Variants in ZNF410 observed in about 807,000 individuals in gnomAD.
The protein encoded by ZNF410 is another partner for ARF 1.
ZNF410 carries 18 observed loss-of-function variants against 54.8 expected under a neutral mutation model. That is an observed-to-expected ratio of 0.33 (90% CI 0.23 to 0.49). The LOEUF is 0.49. Ranked by LOEUF, ZNF410 falls within the 20% of genes least tolerant of loss-of-function variation. The probability of loss-of-function intolerance (pLI) is 0.99; values close to 1 mark genes in which losing one functional copy is unlikely to be tolerated. For synonymous variants in ZNF410, 191 were observed against 207.3 expected (o/e 0.92, Z 0.68); for missense variants, 405 against 569.6 (o/e 0.71, Z 2.94).
At position 73,922,176 on chromosome 14, in the gene ZNF410, A is replaced by G. The variant is rs1483415835; in HGVS notation, c.1240A>G (p.Asn414Asp). The change falls in exon 10 of 12, where the codon AAT becomes GAT. Residue 414 changes from asparagine to aspartate, a missense_variant. Physicochemically the swap from Asn to Asp is conservative, Grantham distance 23. Around this residue, in one of 3 missense-constraint regions of ZNF410, gnomAD observed 127 missense variants for 141.3 expected, o/e 0.90. Coordinates refer to ENST00000555044, the MANE Select transcript of ZNF410 (RefSeq NM_021188.3). ...TGGTGGAGAGTCCTTGAACCTACCAAATACCAATTCTATCCTGGGAGTTGA... is the reference window on the plus strand; with the variant it reads ...TGGTGGAGAGTCCTTGAACCTACCAGATACCAATTCTATCCTGGGAGTTGA... ...SLGGESLNLP[N>D]TNSILGVDDE... 6.2e-7 allele frequency: 1 copy of G among 1,613,990 alleles called. No homozygotes were observed. The highest frequency in any genetic ancestry group is 1.1e-5 in the South Asian group (1 of 91,062).
rs768184296 is a variant in ZNF410 at position 73,904,890 on chromosome 14, T to C, written c.732-12T>C. On this transcript the variant is annotated splice_polypyrimidine_tract_variant and intron_variant, in intron 6 of 11. Coordinates refer to ENST00000555044, the MANE Select transcript of ZNF410 (RefSeq NM_021188.3). ...TTTTCAGATATTTTTCCTTATGTGA[T>C]TATTTTTGCAGAAATGACCGCTCCT... 1.1e-5 allele frequency: 17 copies of C among 1,611,584 alleles called. No homozygotes were observed. In the South Asian group the frequency reaches 1.9e-4, roughly 18 times the overall value.
intron 3 of ZNF410, chr14:73,894,423 C>CTTT (rs759584257): frequency 7.0e-4 from 444 of 632,724 alleles, no homozygotes; most frequent in Middle Eastern, 1.9e-3. Flanking sequence ...TACATACTTG[C>CTTT]TTTTTTTTTT....
At position 73,932,425 on chromosome 14, in the gene ZNF410, T is replaced by G. The variant is rs971269731; in HGVS notation, c.*884T>G. 1 of 453,282 alleles carries G rather than the reference T, an allele frequency of 2.2e-6. No homozygotes were observed. The highest frequency in any genetic ancestry group is 4.4e-6 in the Non-Finnish European group (1 of 226,204). 28.1% of individuals were successfully genotyped at this position (453,282 alleles called of 1,614,324 possible). On this transcript the variant is annotated 3_prime_UTR_variant, in exon 12 of 12. Coordinates refer to ENST00000555044, the MANE Select transcript of ZNF410 (RefSeq NM_021188.3). ...AGTCTTAGGAAACAACAAGAACATC[T>G]TCATTTCTTAAGCCCAGGTGATAGT...
chr14:73,893,997 C>T, intron 3 of ZNF410, 65 bp downstream of exon 3: 2 of 1,532,756 alleles, frequency 1.3e-6, no homozygotes, highest in Non-Finnish European at 1.8e-6. Context: ...CTCTATGTTA[C>T]TGGTGGAATG....
chr14:73,922,823 C>T (rs1458547480), intron 10 of ZNF410: 1 of 152,222 alleles, frequency 6.6e-6, no homozygotes, highest in Non-Finnish European at 1.5e-5. Flanking sequence ...TGGGAAAGAA[C>T]ATTGAGTACA....
chr14:73,901,990 A>T (rs1242786447), intron 5 of ZNF410, among the ~76,000 whole-genome samples: 1 of 151,732 alleles, frequency 6.6e-6, no homozygotes, highest in South Asian at 2.1e-4. Context: ...CAGACCTTTC[A>T]TTAGAAATCA....
At chr14:73,922,346 C>G in intron 10 of ZNF410, 140 bp downstream of exon 10, 1 of 889,208 alleles carries the variant, frequency 1.1e-6, no homozygotes, top group Non-Finnish European at 1.6e-6. Flanking sequence ...TTCTTATTCT[C>G]TGGGGTGGAT....
intron 8 of ZNF410, among the ~76,000 whole-genome samples, chr14:73,912,906 T>A (rs1181170906): frequency 6.6e-6 from 1 of 151,940 alleles, no homozygotes; most frequent in Non-Finnish European, 1.5e-5. Context: ...AGTTCAGGGG[T>A]ACATGTGTAG....
In ZNF410 at chr14:73,932,010, A is replaced by G. The variant is rs1336142217; in HGVS notation, c.*469A>G. ...TGCTTTGAAGAAGGGAGTGATGTCA[A>G]TTCTCTTGTTACATTCTCCCTTTAG... is the stretch of plus-strand genomic sequence containing the variant. On this transcript the variant is annotated 3_prime_UTR_variant, in exon 12 of 12. Transcript: ENST00000555044. 7 of 456,394 alleles carry G rather than the reference A, an allele frequency of 1.5e-5. No individual in the cohort carries two copies. The highest frequency in any genetic ancestry group is 6.5e-4 in the Middle Eastern group (2 of 3,090). 28.3% of individuals were successfully genotyped at this position (456,394 alleles called of 1,614,324 possible). A position where few individuals can be genotyped will look rare whatever the true frequency, so the allele number is the denominator to read the frequency against.
chr14:73,921,830 T>C (rs1036092220), intron 9 of ZNF410, among the ~76,000 whole-genome samples: 2 of 152,198 alleles, frequency 1.3e-5, no homozygotes, highest in African/African-American at 4.8e-5. Context: ...CCTATCCTGT[T>C]TCATATGCTA....
In ZNF410 at chr14:73,932,094, C is replaced by T. The variant is rs1442030315; in HGVS notation, c.*553C>T. 1 of 451,920 alleles carries T rather than the reference C, an allele frequency of 2.2e-6. No individual in the cohort carries two copies. The allele number at this position is 451,920 out of a possible 1,614,324, so 28.0% of individuals were successfully genotyped here. ...GCAAAAAAATAAATTACTTGAATCT[C>T]CCCTTGGCCCAGGCTGAGGTACTAT... On this transcript the variant is annotated 3_prime_UTR_variant, in exon 12 of 12. Transcript: ENST00000555044.
chr14:73,902,711 A>T (rs1048688306), intron 5 of ZNF410, among the ~76,000 whole-genome samples: 1 of 152,204 alleles, frequency 6.6e-6, no homozygotes, highest in Non-Finnish European at 1.5e-5. Context: ...TTAAATGACT[A>T]TTAATTTTTT....
chr14:73,905,003 C>T lies in ZNF410; in HGVS notation c.833C>T (p.Pro278Leu). 6.2e-7 allele frequency: 1 copy of T among 1,614,090 alleles called. No individual in the cohort carries two copies. Among genetic ancestry groups the T allele is most frequent in the Non-Finnish European group, 8.5e-7 (1 of 1,180,026 alleles). ...ATGAGGACCCACAATGGAGAGAAGC[C>T]CTTTATGTGCCATGAGTCTGGCTGT... is the stretch of plus-strand genomic sequence containing the variant. ...VHMRTHNGEKPFMCHESGCGK... is the reference protein window; with the variant it reads ...VHMRTHNGEKLFMCHESGCGK... The change falls in exon 7 of 12, where the codon CCC becomes CTC. Residue 278 changes from proline to leucine, a missense_variant. Pro to Leu is a moderately conservative substitution (Grantham distance 98, BLOSUM62 -3). Transcript: ENST00000555044.
chr14:73,891,401 TG>T (rs1444352710), intron 1 of ZNF410, among the ~76,000 whole-genome samples: 9 of 152,196 alleles, frequency 5.9e-5, no homozygotes, highest in Admixed American at 5.9e-4. Flanking sequence ...TCGCCCAGGC[TG>T]GAGTGCAGTG....
In ZNF410 at chr14:73,900,927, G is replaced by A. The variant is rs1231153427; in HGVS notation, c.580+2665G>A. ...ACATTTCTTCTTTCAGTGTGGCTCA[G>A]GGAAGCCAAAAGATTGGACACCCTT... is the stretch of plus-strand genomic sequence containing the variant. On this transcript the variant is annotated intron_variant, in intron 5 of 11. Coordinates refer to ENST00000555044, the MANE Select transcript of ZNF410 (RefSeq NM_021188.3). 2.0e-5 allele frequency among the ~76,000 whole-genome samples: 3 copies of A among 152,120 alleles called. No individual in the cohort carries two copies. In the South Asian group the frequency reaches 6.2e-4, roughly 32 times the overall value.
intron 3 of ZNF410, chr14:73,896,045 T>A: frequency 2.3e-6 from 1 of 426,750 alleles, no homozygotes; most frequent in Non-Finnish European, 4.2e-6. Flanking sequence ...GACTAAATTC[T>A]GTGATGTCCA....
chr14:73,897,455 G>A (rs1295762619), intron 4 of ZNF410, among the ~76,000 whole-genome samples: 1 of 152,170 alleles, frequency 6.6e-6, no homozygotes, highest in South Asian at 2.1e-4. Context: ...GCAGATAGGA[G>A]AGAGGAGATA....
At chr14:73,894,650 C>G (rs1595386130) in intron 3 of ZNF410, among the ~76,000 whole-genome samples, 1 of 152,126 alleles carries the variant, frequency 6.6e-6, no homozygotes, top group South Asian at 2.1e-4. Context: ...TGGTCTTGAA[C>G]TCCTGACCTC....
Position 73,930,028 on chromosome 14 carries a change from T to C in ZNF410, c.1399-1475T>C, listed in dbSNP as rs114360705. Among the ~76,000 whole-genome samples, 846 of 152,320 alleles carry C rather than the reference T, an allele frequency of 5.6e-3. 4 individuals are homozygous for C. The highest frequency in any genetic ancestry group is 0.019 in the African/African-American group (809 of 41,560). On this transcript the variant is annotated intron_variant, in intron 11 of 11. Transcript: ENST00000555044. ...TTCTAAATGGGGCTCCATATTTACA[T>C]TGAGTTCACATTCTTGAACTCAAGA...
Sources: allele counts gnomAD v4.1 joint callset (sites outside exome capture counted in the v4.1 genomes callset), GRCh38; gene constraint gnomAD v4.1.1; regional missense constraint gnomAD v4.1.1; transcripts MANE v1.5; gene names NCBI Gene and HGNC (gene_info 2026-07-23, HGNC 2026-07-21).